Variants in MEF2A observed in about 807,000 individuals in gnomAD.
MEF2A encodes the protein myocyte-specific enhancer factor 2A.
Under a neutral mutation model 55.8 loss-of-function variants are expected in MEF2A, and 28 were observed. That is an observed-to-expected ratio of 0.50 (90% CI 0.37 to 0.69). The LOEUF (loss-of-function observed/expected upper bound fraction) is 0.69, where lower values mean the gene tolerates loss of function less well. MEF2A is among the 30% of genes least tolerant of loss of function. The pLI is 0.00. For synonymous variants in MEF2A, 239 were observed against 227.1 expected, an observed-to-expected ratio of 1.05 and a Z score of -0.47; for missense variants, 528 against 626.2, an observed-to-expected ratio of 0.84 and a Z score of 1.67.
At chr15:99,650,747 T>C (rs1849012839) in intron 4 of MEF2A, among the ~76,000 whole-genome samples, 1 of 152,216 alleles carries the variant, frequency 6.6e-6, no homozygotes, top group Admixed American at 6.5e-5. Context: ...GTGATTATAC[T>C]TGAGAGTACC....
At chr15:99,704,441 C>T (rs2057785277) in intron 9 of MEF2A, among the ~76,000 whole-genome samples, 1 of 152,134 alleles carries the variant, frequency 6.6e-6, no homozygotes, top group Non-Finnish European at 1.5e-5. Flanking sequence ...TTAATGATAC[C>T]ATAATGATCA....
At chr15:99,662,055 G>A (rs1157758078) in intron 4 of MEF2A, among the ~76,000 whole-genome samples, 1 of 151,990 alleles carries the variant, frequency 6.6e-6, no homozygotes, top group Non-Finnish European at 1.5e-5. Context: ...TTCACAAATA[G>A]GCATAGCTAA....
At chr15:99,629,596 G>C (rs572851496) in intron 2 of MEF2A, among the ~76,000 whole-genome samples, 1 of 152,272 alleles carries the variant, frequency 6.6e-6, no homozygotes, top group South Asian at 2.1e-4. Context: ...AATGTGAGCT[G>C]GTACTGATAA....
At chr15:99,697,029 A>G (rs575594321) in intron 8 of MEF2A, among the ~76,000 whole-genome samples, 2 of 145,412 alleles carry the variant, frequency 1.4e-5, no homozygotes, top group East Asian at 4.1e-4. Flanking sequence ...TCAGTATATT[A>G]ACAATTGAAC....
chr15:99,658,962 A>G (rs560727147), intron 4 of MEF2A, among the ~76,000 whole-genome samples: 5 of 152,286 alleles, frequency 3.3e-5, no homozygotes, highest in South Asian at 4.1e-4. Context: ...ACGATGATCT[A>G]TGTCTAATTT....
chr15:99,585,488 A>T (rs938890329), intron 1 of MEF2A, among the ~76,000 whole-genome samples: 1 of 152,192 alleles, frequency 6.6e-6, no homozygotes, highest in African/African-American at 2.4e-5. Flanking sequence ...TTTTTAAAAA[A>T]TTATAGTATT....
chr15:99,644,432 A>G (rs1408526162), intron 3 of MEF2A, among the ~76,000 whole-genome samples: 2 of 152,214 alleles, frequency 1.3e-5, no homozygotes, highest in South Asian at 2.1e-4. Context: ...TACGTATTGT[A>G]TCTGTAATGA....
chr15:99,576,184 C>A (rs112905019), intron 1 of MEF2A, among the ~76,000 whole-genome samples: 1 of 152,156 alleles, frequency 6.6e-6, no homozygotes, highest in Non-Finnish European at 1.5e-5. Context: ...GGCTTATTAA[C>A]CTGAGAAATT....
At chr15:99,593,152 C>T (rs1969923612) in intron 1 of MEF2A, among the ~76,000 whole-genome samples, 1 of 152,148 alleles carries the variant, frequency 6.6e-6, no homozygotes, top group Admixed American at 6.5e-5. Flanking sequence ...TTCAGGAGCA[C>T]TTTCTCTCCT....
intron 2 of MEF2A, among the ~76,000 whole-genome samples, chr15:99,619,798 A>G (rs1373753546): frequency 6.6e-6 from 1 of 152,206 alleles, no homozygotes; most frequent in Non-Finnish European, 1.5e-5. Context: ...ATAAAAAGTC[A>G]CTTTTACTTA....
At position 99,715,857 on chromosome 15, in the gene MEF2A, A is replaced by G. The variant is rs1463183712; in HGVS notation, c.*3086A>G. 1 of 152,340 alleles carries G rather than the reference A, an allele frequency of 6.6e-6. No individual in the cohort carries two copies. Among genetic ancestry groups the G allele is most frequent in the East Asian group, 1.9e-4 (1 of 5,194 alleles). 9.4% of individuals were successfully genotyped at this position (152,340 alleles called of 1,614,324 possible). A position where few individuals can be genotyped will look rare whatever the true frequency, so the allele number is the denominator to read the frequency against. On this transcript the variant is annotated 3_prime_UTR_variant, in exon 12 of 12. Transcript: ENST00000557942. The stretch of plus-strand genomic sequence containing the variant: ...CTGTTGTGTGTACACAGGTGGTCCC[A>G]ATCAAAACTCCATCTTTTGAGCCCA...
At chr15:99,706,627 C>T in intron 9 of MEF2A, 102 bp from the exon 10 acceptor site, 1 of 1,294,298 alleles carries the variant, frequency 7.7e-7, no homozygotes, top group South Asian at 1.2e-5. Context: ...CAGAAAATGA[C>T]ATTCATATGA....
intron 1 of MEF2A, among the ~76,000 whole-genome samples, chr15:99,593,890 G>A (rs1265167920): frequency 6.6e-6 from 1 of 151,952 alleles, no homozygotes; most frequent in Admixed American, 6.6e-5. Context: ...AAGATGTTTT[G>A]TTTTGTTTTT....
chr15:99,646,459 A>C (rs370437075), intron 4 of MEF2A, among the ~76,000 whole-genome samples: 53 of 152,206 alleles, frequency 3.5e-4, no homozygotes, highest in Middle Eastern at 3.4e-3. Flanking sequence ...AATTAGCTTC[A>C]TAGTTACTTT....
chr15:99,620,150 T>C (rs992573810), intron 2 of MEF2A, among the ~76,000 whole-genome samples: 1 of 152,250 alleles, frequency 6.6e-6, no homozygotes, highest in African/African-American at 2.4e-5. Flanking sequence ...GAGTATATGC[T>C]GCTAGTCTTT....
At chr15:99,668,528 T>C (rs1201756750) in intron 4 of MEF2A, among the ~76,000 whole-genome samples, 2 of 152,238 alleles carry the variant, frequency 1.3e-5, no homozygotes, top group African/African-American at 4.8e-5. Flanking sequence ...TTTGAAGTTT[T>C]ATTTACTTTA....
intron 2 of MEF2A, among the ~76,000 whole-genome samples, chr15:99,631,628 G>T (rs1854342795): frequency 6.6e-6 from 1 of 151,432 alleles, no homozygotes; most frequent in African/African-American, 2.4e-5. Context: ...TCTGAACTCT[G>T]CTAGATTAGG....
At chr15:99,593,928 C>G (rs1405963998) in intron 1 of MEF2A, among the ~76,000 whole-genome samples, 1 of 151,962 alleles carries the variant, frequency 6.6e-6, no homozygotes, top group Non-Finnish European at 1.5e-5. Flanking sequence ...AGGTAAAAAA[C>G]AAATTATTTT....
intron 7 of MEF2A, among the ~76,000 whole-genome samples, chr15:99,676,253 A>G (rs1278990437): frequency 2.6e-5 from 4 of 152,228 alleles, no homozygotes; most frequent in Non-Finnish European, 2.9e-5. Context: ...ACAGAAAACA[A>G]TTAAATGTGG....
Sources: allele counts gnomAD v4.1 joint callset (sites outside exome capture counted in the v4.1 genomes callset), GRCh38; gene constraint gnomAD v4.1.1; transcripts MANE v1.5; gene names NCBI Gene and HGNC (gene_info 2026-07-23, HGNC 2026-07-21).